The following ENTREP2 variants were observed in gnomAD, a reference collection of about 807,000 sequenced individuals.
The protein encoded by ENTREP2 is endosomal transmembrane epsin interactor 2, also known as protein ENTREP2.
At chr15:29,226,544 T>A in the ENTREP2 span, among the ~76,000 whole-genome samples, 4 of 152,248 alleles carry the variant, frequency 2.6e-5, no homozygotes, top group African/African-American at 4.8e-5. Flanking sequence ...TGGGCAACAA[T>A]GGGAACAGAG....
chr15:29,162,332 G>A, the ENTREP2 span, among the ~76,000 whole-genome samples: 87 of 152,296 alleles, frequency 5.7e-4, no homozygotes, highest in Admixed American at 9.8e-4. Context: ...GGGGGAGGGC[G>A]CAAATCTGGT....
At chr15:29,177,543 G>A in the ENTREP2 span, among the ~76,000 whole-genome samples, 1 of 152,138 alleles carries the variant, frequency 6.6e-6, no homozygotes, top group African/African-American at 2.4e-5. Flanking sequence ...CACAGATCGA[G>A]CCCACAACGC....
chr15:29,137,038 G>A, the ENTREP2 span: 5 of 1,434,782 alleles, frequency 3.5e-6, no homozygotes, highest in Non-Finnish European at 3.6e-6. Context: ...ACCAACCTCT[G>A]GGCCTCAGTG....
the ENTREP2 span, among the ~76,000 whole-genome samples, chr15:29,254,074 A>G: frequency 1.8e-3 from 271 of 151,672 alleles, 1 homozygote; most frequent in East Asian, 0.023. Flanking sequence ...AATCTAATGA[A>G]GAAAGACCCT....
At chr15:29,236,995 A>G in the ENTREP2 span, among the ~76,000 whole-genome samples, 1 of 152,214 alleles carries the variant, frequency 6.6e-6, no homozygotes, top group Non-Finnish European at 1.5e-5. Context: ...TGTACAAACC[A>G]AATCCAACAA....
chr15:29,219,614 A>AATATATAAAT, the ENTREP2 span, among the ~76,000 whole-genome samples: 10 of 38,402 alleles, frequency 2.6e-4, no homozygotes, highest in Non-Finnish European at 4.2e-4. Flanking sequence ...GTGGTGCATA[A>AATATATAAAT]ATATATATAT....
the ENTREP2 span, among the ~76,000 whole-genome samples, chr15:29,423,813 T>G: frequency 5.4e-4 from 82 of 152,064 alleles, no homozygotes; most frequent in African/African-American, 1.9e-3. Context: ...AAATTTGATT[T>G]TTTTCTAAGG....
the ENTREP2 span, among the ~76,000 whole-genome samples, chr15:29,309,589 G>T: frequency 6.6e-6 from 1 of 152,078 alleles, no homozygotes; most frequent in African/African-American, 2.4e-5. Flanking sequence ...AGACCAGCAT[G>T]GCCAGCACGG....
At chr15:29,652,049 A>T in the ENTREP2 span, among the ~76,000 whole-genome samples, 1 of 152,182 alleles carries the variant, frequency 6.6e-6, no homozygotes, top group African/African-American at 2.4e-5. Context: ...TGGAACAATC[A>T]GCATGCACTT....
the ENTREP2 span, among the ~76,000 whole-genome samples, chr15:29,565,356 T>C: frequency 3.3e-5 from 5 of 151,704 alleles, no homozygotes; most frequent in Non-Finnish European, 5.9e-5. Context: ...ATTTGAATAC[T>C]CATCAGCTAG....
At chr15:29,269,572 T>TCGGC in the ENTREP2 span, 1 of 1,533,724 alleles carries the variant, frequency 6.5e-7, no homozygotes, top group Non-Finnish European at 8.7e-7. Flanking sequence ...CGGGGCCTCC[T>TCGGC]CGGCAAAGCC....
the ENTREP2 span, among the ~76,000 whole-genome samples, chr15:29,205,529 G>A: frequency 0.013 from 1,960 of 152,206 alleles, 56 homozygotes; most frequent in African/African-American, 0.045. Context: ...GGTGTCAGGT[G>A]GTATCTCACT....
chr15:29,256,470 A>G, the ENTREP2 span, among the ~76,000 whole-genome samples: 2 of 152,200 alleles, frequency 1.3e-5, no homozygotes, highest in Non-Finnish European at 2.9e-5. Context: ...AATCTGTTGG[A>G]TTTAATTTCA....
At chr15:29,378,509 C>T in the ENTREP2 span, among the ~76,000 whole-genome samples, 31 of 152,262 alleles carry the variant, frequency 2.0e-4, no homozygotes, top group African/African-American at 7.2e-4. Context: ...TTGAACAAAG[C>T]AGATTACCCT....
chr15:29,211,704 T>C, the ENTREP2 span, among the ~76,000 whole-genome samples: 4 of 152,230 alleles, frequency 2.6e-5, no homozygotes, highest in Admixed American at 1.3e-4. Context: ...CTGGATTTTG[T>C]TGAATGCTTT....
At chr15:29,490,057 G>A in the ENTREP2 span, among the ~76,000 whole-genome samples, 33 of 152,206 alleles carry the variant, frequency 2.2e-4, no homozygotes, top group African/African-American at 7.0e-4. Context: ...TATAGTCAAA[G>A]GTGGTCCATT....
At chr15:29,488,208 G>A in the ENTREP2 span, among the ~76,000 whole-genome samples, 1 of 152,162 alleles carries the variant, frequency 6.6e-6, no homozygotes, top group African/African-American at 2.4e-5. Context: ...GAACAAATAA[G>A]TGAATTGAAA....
the ENTREP2 span, among the ~76,000 whole-genome samples, chr15:29,141,866 G>C: frequency 6.6e-6 from 1 of 152,340 alleles, no homozygotes; most frequent in Admixed American, 6.5e-5. Context: ...CGGCCCCCTG[G>C]TCCTGCCGCC....
the ENTREP2 span, among the ~76,000 whole-genome samples, chr15:29,370,658 C>A: frequency 2.6e-5 from 4 of 152,066 alleles, no homozygotes; most frequent in African/African-American, 7.2e-5. Flanking sequence ...ACTATAGATA[C>A]CCCGGCCCTA....
Sources: allele counts gnomAD v4.1 joint callset (sites outside exome capture counted in the v4.1 genomes callset), GRCh38; gene constraint gnomAD v4.1.1; transcripts MANE v1.5; gene names NCBI Gene and HGNC (gene_info 2026-07-23, HGNC 2026-07-21).